USP25: variants seen among roughly 807,000 people sequenced by gnomAD.
The protein encoded by USP25 is ubiquitin specific peptidase 25.
In USP25, 85 loss-of-function variants were observed where a neutral mutation model predicts 158.5. The observed-to-expected ratio is 0.54, with a 90% CI of 0.45 to 0.64. The LOEUF (loss-of-function observed/expected upper bound fraction) is 0.64. Among genes scored for constraint, USP25 ranks in the 30% least tolerant of loss-of-function variants. USP25 has a pLI of 0.00. For missense variants in USP25, 1,242 were observed against 1,327.3 expected (o/e 0.94, Z 1.00); for synonymous variants, 464 against 460.4 (o/e 1.01, Z -0.10).
At chr21:15,856,713 C>T (rs566997903) in intron 20 of USP25, among the ~76,000 whole-genome samples, 92 of 152,230 alleles carry the variant, frequency 6.0e-4, no homozygotes, top group African/African-American at 1.8e-3. Context: ...CCTCGTGATC[C>T]GCCTGCCTCG....
intron 4 of USP25, among the ~76,000 whole-genome samples, chr21:15,787,439 A>G (rs1263110596): frequency 6.6e-6 from 1 of 152,164 alleles, no homozygotes; most frequent in African/African-American, 2.4e-5. Flanking sequence ...GAGCCCAGAA[A>G]TGGACACACC....
At position 15,830,518 on chromosome 21, in the gene USP25, C is replaced by A. The variant is rs777273218; in HGVS notation, c.1694-13C>A. 3 of 1,596,948 alleles carry A rather than the reference C, an allele frequency of 1.9e-6. No homozygotes were observed. Among genetic ancestry groups the A allele is most frequent in the Non-Finnish European group, 2.6e-6 (3 of 1,171,734 alleles). ...TTTGCTGTTAATCATTAAATGACAC[C>A]TTATATCCTTAGATTTGCAGGAAAG... On this transcript the variant is annotated splice_polypyrimidine_tract_variant and intron_variant, in intron 14 of 25. Transcript: ENST00000400183.
At chr21:15,839,971 T>C (rs890588288) in intron 17 of USP25, among the ~76,000 whole-genome samples, 1 of 152,162 alleles carries the variant, frequency 6.6e-6, no homozygotes, top group Non-Finnish European at 1.5e-5. Context: ...AGCACTTCTC[T>C]AGTAGCTATT....
At chr21:15,811,691 G>GA (rs770343517) in intron 9 of USP25, among the ~76,000 whole-genome samples, 3 of 152,090 alleles carry the variant, frequency 2.0e-5, no homozygotes, top group Non-Finnish European at 4.4e-5. Context: ...TCTATCTTTT[G>GA]AAAAATCAGT....
chr21:15,827,236 C>T (rs1388525260), intron 14 of USP25, 33 bp downstream of exon 14: 1 of 1,520,776 alleles, frequency 6.6e-7, no homozygotes, highest in Non-Finnish European at 9.1e-7. Context: ...GTTACTGTCA[C>T]CTCAGATGGA....
chr21:15,763,803 A>G (rs1398384435), intron 2 of USP25, among the ~76,000 whole-genome samples: 1 of 152,210 alleles, frequency 6.6e-6, no homozygotes, highest in Non-Finnish European at 1.5e-5. Context: ...TTAAACATTT[A>G]GTACTACCAG....
intron 1 of USP25, among the ~76,000 whole-genome samples, chr21:15,757,889 G>GGGT (rs2033484489): frequency 6.6e-6 from 1 of 152,054 alleles, no homozygotes; most frequent in South Asian, 2.1e-4. Context: ...TCTTTTCTGG[G>GGGT]ATTTATATTC....
intron 9 of USP25, 41 bp downstream of exon 9, chr21:15,811,251 A>T: frequency 6.7e-7 from 1 of 1,500,840 alleles, no homozygotes; most frequent in Non-Finnish European, 9.1e-7. Context: ...GTGAAGAGAG[A>T]TTATTATTCA....
intron 6 of USP25, among the ~76,000 whole-genome samples, chr21:15,802,055 T>G (rs2036161709): frequency 6.6e-6 from 1 of 151,450 alleles, no homozygotes; most frequent in Admixed American, 6.6e-5. Context: ...AGATATACAT[T>G]TGGTTTAAAA....
chr21:15,811,696 A>G (rs2036668709), intron 9 of USP25, among the ~76,000 whole-genome samples: 1 of 152,206 alleles, frequency 6.6e-6, no homozygotes, highest in Non-Finnish European at 1.5e-5. Context: ...CTTTTGAAAA[A>G]TCAGTGAAGA....
At chr21:15,790,077 T>A (rs2035509896) in intron 4 of USP25, among the ~76,000 whole-genome samples, 1 of 152,046 alleles carries the variant, frequency 6.6e-6, no homozygotes, top group Non-Finnish European at 1.5e-5. Flanking sequence ...TCCCTTGTAT[T>A]CTTGAAAACT....
chr21:15,789,460 T>C (rs2035472886), intron 4 of USP25, among the ~76,000 whole-genome samples: 1 of 152,114 alleles, frequency 6.6e-6, no homozygotes, highest in African/African-American at 2.4e-5. Flanking sequence ...GAAGGATTTG[T>C]TTCTTGTTAT....
At chr21:15,744,720 C>G (rs2032382935) in intron 1 of USP25, among the ~76,000 whole-genome samples, 2 of 152,040 alleles carry the variant, frequency 1.3e-5, no homozygotes, top group South Asian at 4.1e-4. Flanking sequence ...TCCTGAGTAG[C>G]TGGGACTACA....
chr21:15,781,211 A>G (rs1318161841), intron 4 of USP25, among the ~76,000 whole-genome samples: 2 of 152,242 alleles, frequency 1.3e-5, no homozygotes, highest in African/African-American at 2.4e-5. Flanking sequence ...TCCTACGGCC[A>G]GATACACAGG....
intron 3 of USP25, among the ~76,000 whole-genome samples, chr21:15,771,642 G>T (rs1294387854): frequency 1.3e-5 from 2 of 151,826 alleles, no homozygotes; most frequent in African/African-American, 4.8e-5. Flanking sequence ...TTTCTTAAGG[G>T]TATTTCCATT....
At chr21:15,819,442 G>A (rs1024121301) in intron 10 of USP25, among the ~76,000 whole-genome samples, 1 of 152,082 alleles carries the variant, frequency 6.6e-6, no homozygotes, top group African/African-American at 2.4e-5. Flanking sequence ...GCATTCATCT[G>A]TCAGGGAGTT....
intron 17 of USP25, among the ~76,000 whole-genome samples, chr21:15,841,544 T>TC (rs1192825599): frequency 6.6e-6 from 1 of 152,182 alleles, no homozygotes; most frequent in African/African-American, 2.4e-5. Context: ...TCTCCATTCT[T>TC]CCACCTGGAA....
Position 15,795,416 on chromosome 21 carries a change from A to G in USP25, c.555+3752A>G, listed in dbSNP as rs2035812797. 2.6e-5 allele frequency among the ~76,000 whole-genome samples: 4 copies of G among 151,672 alleles called. No homozygotes were observed. The South Asian group carries it at 8.3e-4, about 31-fold the overall frequency. On this transcript the variant is annotated intron_variant, in intron 5 of 25. Transcript: ENST00000400183. ...TCAACATGTTTGTTATGGTCTTAAT[A>G]ATATATTCTGTATGCCCACACATAT...
chr21:15,792,311 T>TAA (rs2035632021), intron 5 of USP25, among the ~76,000 whole-genome samples: 1 of 151,662 alleles, frequency 6.6e-6, no homozygotes, highest in African/African-American at 2.4e-5. Context: ...TTTACGTGTT[T>TAA]AACAACTGTT....
Sources: allele counts gnomAD v4.1 joint callset (sites outside exome capture counted in the v4.1 genomes callset), GRCh38; gene constraint gnomAD v4.1.1; transcripts MANE v1.5; gene names NCBI Gene and HGNC (gene_info 2026-07-23, HGNC 2026-07-21).